SLC30A7: variants seen among roughly 807,000 people sequenced by gnomAD.
The protein encoded by SLC30A7 is zinc transporter 7.
Under a neutral mutation model 46.0 loss-of-function variants are expected in SLC30A7, and 35 were observed. The ratio of observed to expected loss-of-function variants is 0.76; its 90% confidence interval spans 0.58 to 1.01. SLC30A7 has a LOEUF of 1.01. Among genes scored for constraint, SLC30A7 ranks in the 50% least tolerant of loss-of-function variants. SLC30A7 has a pLI of 0.00. For missense variants in SLC30A7, 464 were observed against 451.1 expected (o/e 1.03, Z -0.26); for synonymous variants, 147 against 157.8 (o/e 0.93, Z 0.51).
chr1:100,911,095 T>C lies in SLC30A7; in HGVS notation c.329T>C (p.Val110Ala). 6.2e-7 allele frequency: 1 copy of C among 1,612,508 alleles called. No homozygotes were observed. The highest frequency in any genetic ancestry group is 8.5e-7 in the Non-Finnish European group (1 of 1,179,026). The change falls in exon 4 of 11, where the codon GTC (valine) becomes GCC (alanine). Residue 110 changes from valine to alanine, a missense_variant. Transcript: ENST00000357650. The stretch of plus-strand genomic sequence containing the variant: ...AGAGCGGAAGTTCTGGCTGGCTTTG[T>C]CAATGGCCTATTTTTGATCTTCACT... ...YVRAEVLAGFVNGLFLIFTAF... is the reference protein window; with the variant it reads ...YVRAEVLAGFANGLFLIFTAF...
intron 8 of SLC30A7, among the ~76,000 whole-genome samples, chr1:100,925,084 C>T (rs939322857): frequency 3.3e-5 from 5 of 152,190 alleles, no homozygotes; most frequent in African/African-American, 1.2e-4. Context: ...GACTGAGTTG[C>T]CACTTTAAAT....
intron 2 of SLC30A7, among the ~76,000 whole-genome samples, chr1:100,903,206 C>T (rs1428489503): frequency 6.6e-6 from 1 of 152,016 alleles, no homozygotes; most frequent in Admixed American, 6.5e-5. Flanking sequence ...ACAACTCTAT[C>T]ATTTTATCAG....
At chr1:100,899,222 A>G (rs983331997) in intron 2 of SLC30A7, among the ~76,000 whole-genome samples, 1 of 152,224 alleles carries the variant, frequency 6.6e-6, no homozygotes, top group Admixed American at 6.5e-5. Flanking sequence ...ACTTCAGTAC[A>G]TAGCACATAG....
intron 2 of SLC30A7, among the ~76,000 whole-genome samples, chr1:100,900,164 ATC>A (rs1651217061): frequency 1.3e-5 from 2 of 152,150 alleles, no homozygotes; most frequent in African/African-American, 2.4e-5. Flanking sequence ...TTTTTCTAGT[ATC>A]TCAATATAGT....
In SLC30A7 at chr1:100,908,585, G is replaced by A. The variant is rs1300990929; in HGVS notation, c.296+1620G>A. The stretch of plus-strand genomic sequence containing the variant: ...ATTGTACATTTTATAGTATAGAGCA[G>A]TAGATCCTATATATCTATAAATTCA... On this transcript the variant is annotated intron_variant, in intron 3 of 10. Coordinates refer to ENST00000357650, the MANE Select transcript of SLC30A7 (RefSeq NM_133496.5). Among the ~76,000 whole-genome samples, 5 of 152,298 alleles carry A rather than the reference G, an allele frequency of 3.3e-5. No individual in the cohort carries two copies. In the South Asian group the frequency reaches 6.2e-4, roughly 19 times the overall value.
chr1:100,974,399 G>T (rs907283986), intron 10 of SLC30A7, among the ~76,000 whole-genome samples: 7 of 152,288 alleles, frequency 4.6e-5, no homozygotes, highest in African/African-American at 1.7e-4. Context: ...AACTTGGAGT[G>T]CAAAATAATT....
At chr1:100,926,676 G>A (rs1478332002) in intron 8 of SLC30A7, among the ~76,000 whole-genome samples, 2 of 152,188 alleles carry the variant, frequency 1.3e-5, no homozygotes, top group African/African-American at 4.8e-5. Flanking sequence ...CTATTAAAAG[G>A]TTCTCATAAG....
intron 6 of SLC30A7, among the ~76,000 whole-genome samples, chr1:100,915,199 TTCTTTC>T (rs1340441977): frequency 9.8e-6 from 1 of 101,534 alleles, no homozygotes; most frequent in Non-Finnish European, 2.1e-5. Flanking sequence ...TTTCTTTTCT[TTCTTTC>T]TTTCTTTCTT....
chr1:100,931,623 G>A (rs188417757), intron 8 of SLC30A7, among the ~76,000 whole-genome samples: 2 of 152,202 alleles, frequency 1.3e-5, no homozygotes, highest in Non-Finnish European at 2.9e-5. Context: ...AATATTCACT[G>A]TAAAACCTAA....
the SLC30A7 span, among the ~76,000 whole-genome samples, chr1:100,992,021 C>T: frequency 6.6e-6 from 1 of 151,694 alleles, no homozygotes; most frequent in Non-Finnish European, 1.5e-5. Context: ...TCACTTGAGC[C>T]CAGGAGGTGG....
chr1:100,926,475 T>G (rs903450458), intron 8 of SLC30A7, among the ~76,000 whole-genome samples: 1 of 152,020 alleles, frequency 6.6e-6, no homozygotes, highest in Non-Finnish European at 1.5e-5. Context: ...AATCTGGAAA[T>G]AAGTCACTAT....
intron 3 of SLC30A7, among the ~76,000 whole-genome samples, chr1:100,910,500 A>C (rs529496436): frequency 6.6e-6 from 1 of 152,270 alleles, no homozygotes; most frequent in South Asian, 2.1e-4. Flanking sequence ...AGATTTATTA[A>C]TCTTAGAAAA....
intron 8 of SLC30A7, among the ~76,000 whole-genome samples, chr1:100,960,947 GTTTT>G (rs11354218): frequency 3.5e-5 from 3 of 86,328 alleles, no homozygotes; most frequent in African/African-American, 4.7e-5. Flanking sequence ...TGTTTTGTGT[GTTTT>G]TTTTTTTTTT....
chr1:100,984,216 G>C (rs938035513), downstream of SLC30A7, among the ~76,000 whole-genome samples: 3 of 152,154 alleles, frequency 2.0e-5, no homozygotes, highest in African/African-American at 7.2e-5. Flanking sequence ...AAAGGGTACA[G>C]CAACCCTGTT....
At chr1:100,941,782 A>G (rs1654365541) in intron 8 of SLC30A7, 1 of 615,956 alleles carries the variant, frequency 1.6e-6, no homozygotes, top group East Asian at 3.5e-5. Flanking sequence ...ATACGTGACA[A>G]ACCCAAAGCC....
intron 7 of SLC30A7, among the ~76,000 whole-genome samples, chr1:100,920,054 G>T (rs1418440795): frequency 2.0e-5 from 3 of 152,038 alleles, no homozygotes; most frequent in Non-Finnish European, 2.9e-5. Flanking sequence ...GCTTTAGGTA[G>T]TTTTAATGAC....
intron 2 of SLC30A7, among the ~76,000 whole-genome samples, chr1:100,902,052 A>T (rs1347049679): frequency 6.6e-6 from 1 of 152,236 alleles, no homozygotes; most frequent in East Asian, 1.9e-4. Flanking sequence ...CCTCATAAGC[A>T]ATATTTTTAC....
rs181182459 is a variant in SLC30A7, at chr1:100,915,408, G to T, written c.655+1602G>T. On this transcript the variant is annotated intron_variant, in intron 6 of 10. Transcript: ENST00000357650. The stretch of plus-strand genomic sequence containing the variant: ...ATTTATTTTGCACAACTGAAACTTT[G>T]TACCCTTTGACTAATATTTCCCCTT... Among the ~76,000 whole-genome samples the T allele has an allele frequency of 2.6e-5, 4 of 152,058 alleles. No homozygotes were observed. In the East Asian group the frequency reaches 7.7e-4, roughly 29 times the overall value.
chr1:100,903,178 A>G (rs997959317), intron 2 of SLC30A7, among the ~76,000 whole-genome samples: 4 of 152,256 alleles, frequency 2.6e-5, no homozygotes, highest in Middle Eastern at 3.4e-3. Flanking sequence ...TTTAGTTATA[A>G]AATTCCATAA....
Sources: allele counts gnomAD v4.1 joint callset (sites outside exome capture counted in the v4.1 genomes callset), GRCh38; gene constraint gnomAD v4.1.1; transcripts MANE v1.5; gene names NCBI Gene and HGNC (gene_info 2026-07-23, HGNC 2026-07-21).